The following CENPP variants were observed in gnomAD, a reference collection of about 807,000 sequenced individuals.
CENPP encodes centromere protein P.
Under a neutral mutation model 35.6 loss-of-function variants are expected in CENPP, and 24 were observed. That is an observed-to-expected ratio of 0.67 (90% CI 0.49 to 0.95). CENPP has a LOEUF of 0.95. CENPP is among the 40% of genes least tolerant of loss of function. The pLI, the probability that CENPP is intolerant of heterozygous loss-of-function variation, is 0.00. For missense variants in CENPP, 332 were observed against 345.3 expected, an observed-to-expected ratio of 0.96 and a Z score of 0.31; for synonymous variants, 120 against 125.5, an observed-to-expected ratio of 0.96 and a Z score of 0.29.
At chr9:92,563,895 A>G (rs959802034) in intron 5 of CENPP, among the ~76,000 whole-genome samples, 5 of 152,156 alleles carry the variant, frequency 3.3e-5, no homozygotes, top group African/African-American at 4.8e-5. Context: ...TTTGGAAATG[A>G]CAGTGAAGGT....
intron 5 of CENPP, among the ~76,000 whole-genome samples, chr9:92,481,073 A>G (rs1845895839): frequency 6.6e-6 from 1 of 152,202 alleles, no homozygotes; most frequent in African/African-American, 2.4e-5. Context: ...ATGTCTAGCA[A>G]TCAAGCTACT....
rs373077547 is a variant in CENPP at position 92,535,580 on chromosome 9, C to G, written c.565-75734C>G. ...AATTCTACATGAAGTCATGAGATGT[C>G]TATTATCTATTTTCACTTCATTCAA... On this transcript the variant is annotated intron_variant, in intron 5 of 7. Transcript: ENST00000375587. Among the ~76,000 whole-genome samples, 238 of 151,944 alleles carry G rather than the reference C, an allele frequency of 1.6e-3. 3 individuals carry two copies. Among genetic ancestry groups the G allele is most frequent in the African/African-American group, 5.5e-3 (230 of 41,474 alleles).
intron 5 of CENPP, chr9:92,466,714 A>C: frequency 2.8e-6 from 2 of 710,708 alleles, no homozygotes; most frequent in South Asian, 4.7e-5. Context: ...TTCCCAGCCC[A>C]ATCTAAGCTT....
intron 5 of CENPP, among the ~76,000 whole-genome samples, chr9:92,508,939 G>A (rs1847171664): frequency 6.6e-6 from 1 of 151,932 alleles, no homozygotes; most frequent in South Asian, 2.1e-4. Flanking sequence ...TAGACTATTA[G>A]GAAGATAAAA....
chr9:92,427,682 G>A (rs920930470), intron 5 of CENPP, among the ~76,000 whole-genome samples: 4 of 151,434 alleles, frequency 2.6e-5, no homozygotes, highest in Admixed American at 2.6e-4. Context: ...GGTTTTCCAT[G>A]TTGGTCAGGC....
chr9:92,610,052 T>C (rs1851194131), intron 5 of CENPP, among the ~76,000 whole-genome samples: 1 of 151,226 alleles, frequency 6.6e-6, no homozygotes, highest in East Asian at 1.9e-4. Context: ...AAAACACAAG[T>C]GTTTGTTTGT....
intron 5 of CENPP, among the ~76,000 whole-genome samples, chr9:92,514,124 CT>C (rs34816093): frequency 0.42 from 57,316 of 136,218 alleles, 13,724 homozygotes; most frequent in African/African-American, 0.68. Context: ...GAATCGTTCA[CT>C]TTTTTTTTTT....
At chr9:92,482,485 C>T (rs1226430089) in intron 5 of CENPP, 1 of 152,206 alleles carries the variant, frequency 6.6e-6, no homozygotes, top group African/African-American at 2.4e-5. Context: ...ACTGCTCCCA[C>T]AGATTAGTCC....
At chr9:92,521,296 A>G (rs566876937) in intron 5 of CENPP, among the ~76,000 whole-genome samples, 3 of 152,190 alleles carry the variant, frequency 2.0e-5, no homozygotes, top group Admixed American at 1.3e-4. Context: ...TTTGTTTTCC[A>G]TTATTATAGC....
At chr9:92,332,575 A>C (rs1840786825) in intron 2 of CENPP, among the ~76,000 whole-genome samples, 2 of 152,230 alleles carry the variant, frequency 1.3e-5, no homozygotes, top group Non-Finnish European at 1.5e-5. Context: ...TGGGAGGCCA[A>C]GGCATGCAGA....
At chr9:92,533,993 G>T (rs150042795) in intron 5 of CENPP, among the ~76,000 whole-genome samples, 1 of 152,000 alleles carries the variant, frequency 6.6e-6, no homozygotes, top group Admixed American at 6.5e-5. Flanking sequence ...ATGTACCTTG[G>T]TATAGGTTGT....
chr9:92,600,196 T>C, intron 5 of CENPP: 4 of 985,336 alleles, frequency 4.1e-6, no homozygotes, highest in Non-Finnish European at 5.5e-6. Flanking sequence ...TTTTCAACCA[T>C]GTTTAGCTTG....
At chr9:92,508,302 C>G (rs1019628498) in intron 5 of CENPP, among the ~76,000 whole-genome samples, 1 of 152,216 alleles carries the variant, frequency 6.6e-6, no homozygotes, top group African/African-American at 2.4e-5. Context: ...GGGGCCGAGG[C>G]TCCTCGGGTG....
chr9:92,453,708 C>T (rs190226294), intron 5 of CENPP, among the ~76,000 whole-genome samples: 9 of 152,224 alleles, frequency 5.9e-5, no homozygotes, highest in African/African-American at 1.9e-4. Context: ...CAAGGATACC[C>T]AGGAATTGAA....
intron 5 of CENPP, among the ~76,000 whole-genome samples, chr9:92,507,658 C>T (rs1847087405): frequency 6.6e-6 from 1 of 152,218 alleles, no homozygotes; most frequent in Admixed American, 6.5e-5. Flanking sequence ...GGCAGCATCA[C>T]ATGGTCATCC....
At chr9:92,464,861 T>C in intron 5 of CENPP, 4 of 1,197,102 alleles carry the variant, frequency 3.3e-6, no homozygotes, top group Non-Finnish European at 5.0e-6. Context: ...TTAGATTGAA[T>C]CGTTATTGAA....
chr9:92,605,388 T>C (rs1383251095), intron 5 of CENPP, among the ~76,000 whole-genome samples: 1 of 152,098 alleles, frequency 6.6e-6, no homozygotes, highest in African/African-American at 2.4e-5. Context: ...GGATATCCAA[T>C]TGGCCCAGTG....
chr9:92,598,666 T>G (rs1850837092), intron 5 of CENPP, among the ~76,000 whole-genome samples: 1 of 152,058 alleles, frequency 6.6e-6, no homozygotes, highest in Non-Finnish European at 1.5e-5. Flanking sequence ...AGACAGAAAT[T>G]TGTATGAGAA....
intron 4 of CENPP, among the ~76,000 whole-genome samples, chr9:92,362,595 A>G (rs1400792472): frequency 6.6e-6 from 1 of 152,186 alleles, no homozygotes; most frequent in Non-Finnish European, 1.5e-5. Context: ...CCACTATATG[A>G]TAACTAATTT....
Sources: allele counts gnomAD v4.1 joint callset (sites outside exome capture counted in the v4.1 genomes callset), GRCh38; gene constraint gnomAD v4.1.1; transcripts MANE v1.5; gene names NCBI Gene and HGNC (gene_info 2026-07-23, HGNC 2026-07-21).